IQSEC1: variants seen among roughly 807,000 people sequenced by gnomAD.
The protein encoded by IQSEC1 is IQ motif and Sec7 domain ArfGEF 1.
Under a neutral mutation model 91.0 loss-of-function variants are expected in IQSEC1, and 31 were observed. The ratio of observed to expected loss-of-function variants is 0.34; its 90% CI spans 0.26 to 0.46. The LOEUF is 0.46. Ranked by LOEUF, IQSEC1 falls within the 20% of genes least tolerant of loss-of-function variation. The pLI, the probability that IQSEC1 is intolerant of heterozygous loss-of-function variation, is 1.00. For synonymous variants in IQSEC1, 699 were observed against 662.6 expected (o/e 1.05, Z -0.84); for missense variants, 1,388 against 1,575.6 (o/e 0.88, Z 2.02).
In IQSEC1 at chr3:12,909,563, C is replaced by T. The variant is rs1695367413; in HGVS notation, c.2417-129G>A. 2.3e-6 allele frequency: 2 copies of T among 882,494 alleles called. No individual in the cohort carries two copies. Among genetic ancestry groups the T allele is most frequent in the South Asian group, 3.3e-5 (2 of 59,848 alleles). 54.7% of individuals were successfully genotyped at this position (882,494 alleles called of 1,614,324 possible). On this transcript the variant is annotated intron_variant, in intron 10 of 13. Coordinates refer to ENST00000613206, the MANE Select transcript of IQSEC1 (RefSeq NM_001134382.3). The surrounding 1 kb of genome is among the most constrained non-coding windows in gnomAD (Gnocchi z 4.9). The stretch of plus-strand genomic sequence containing the variant: ...CCTGGGATAAGTGCCGGGAGTCCAG[C>T]CTCCGCAGTGGCAGGCTGCAGGGGT...
At chr3:13,047,311 C>A (rs943806147) in intron 1 of IQSEC1, among the ~76,000 whole-genome samples, 2 of 152,200 alleles carry the variant, frequency 1.3e-5, no homozygotes, top group Admixed American at 1.3e-4. Context: ...TGTAGAAGCT[C>A]TCAGGGGACA....
Position 13,214,027 on chromosome 3 carries a change from G to A in IQSEC1, c.273-49894C>T, listed in dbSNP as rs970647505. 2.5e-4 allele frequency among the ~76,000 whole-genome samples: 38 copies of A among 152,014 alleles called. 3 individuals are homozygous for A. The highest frequency in any genetic ancestry group is 8.5e-4 in the Admixed American group (13 of 15,268). Reference sequence around the variant, plus strand: ...CCCGGGCTCTTCCTGGTCCCTCCCCGCCACCCGGCTCCTTCCTCTGATAGG... The same window carrying A: ...CCCGGGCTCTTCCTGGTCCCTCCCCACCACCCGGCTCCTTCCTCTGATAGG... On this transcript the variant is annotated intron_variant, in intron 1 of 15. Coordinates refer to the IQSEC1 transcript ENST00000648114. This position sits in a 1 kb window ranked among gnomAD's most constrained non-coding sequence, Gnocchi z 4.5.
intron 1 of IQSEC1, among the ~76,000 whole-genome samples, chr3:13,062,565 C>T (rs1222834415): frequency 6.6e-6 from 1 of 152,142 alleles, no homozygotes; most frequent in Non-Finnish European, 1.5e-5. Flanking sequence ...TTGGACCCCA[C>T]ATCTGCTGAG....
chr3:13,246,662 G>A (rs1403403933), intron 1 of IQSEC1, among the ~76,000 whole-genome samples: 4 of 152,206 alleles, frequency 2.6e-5, no homozygotes, highest in Admixed American at 2.0e-4. Flanking sequence ...CCTGTGCCCT[G>A]CTCTGTGGAT....
chr3:13,127,139 G>T (rs1176960462), intron 2 of IQSEC1, among the ~76,000 whole-genome samples: 1 of 152,074 alleles, frequency 6.6e-6, no homozygotes, highest in African/African-American at 2.4e-5. Flanking sequence ...TCGGCTGGGG[G>T]CGGTGGCTCA....
intron 1 of IQSEC1, among the ~76,000 whole-genome samples, chr3:13,071,141 C>A (rs532392430): frequency 9.0e-6 from 1 of 110,690 alleles, no homozygotes; most frequent in East Asian, 3.1e-4. Flanking sequence ...GGGACCCACA[C>A]AGTTTTTTTT....
chr3:13,113,695 G>A (rs184337476), intron 2 of IQSEC1, among the ~76,000 whole-genome samples: 51 of 152,312 alleles, frequency 3.3e-4, no homozygotes, highest in Admixed American at 9.1e-4. Context: ...CTACACTGTC[G>A]AGAACGGTCA....
intron 2 of IQSEC1, among the ~76,000 whole-genome samples, chr3:13,131,653 A>C (rs927994300): frequency 6.6e-6 from 1 of 151,944 alleles, no homozygotes; most frequent in Non-Finnish European, 1.5e-5. Flanking sequence ...CATGTGGCTA[A>C]CTTTTGTATT....
Position 13,256,276 on chromosome 3 carries a change from G to A in IQSEC1, c.272+26435C>T, listed in dbSNP as rs564483967. Among the ~76,000 whole-genome samples the A allele has an allele frequency of 9.2e-5, 14 of 152,216 alleles. No homozygotes were observed. In the East Asian group the frequency reaches 1.2e-3, roughly 13 times the overall value. On this transcript the variant is annotated intron_variant, in intron 1 of 15. Transcript: ENST00000648114. ...CATGTTCCCACATTCTTCTGTACAC[G>A]GTGATCTGCGGTACTGAATGCACAC... is the stretch of plus-strand genomic sequence containing the variant.
intron 2 of IQSEC1, among the ~76,000 whole-genome samples, chr3:13,079,565 A>G (rs1350847353): frequency 6.6e-6 from 1 of 152,180 alleles, no homozygotes; most frequent in African/African-American, 2.4e-5. Flanking sequence ...GACAGAGAAC[A>G]TCCCACCTTG....
intron 1 of IQSEC1, among the ~76,000 whole-genome samples, chr3:13,251,515 G>A (rs922439441): frequency 6.6e-6 from 1 of 152,176 alleles, no homozygotes; most frequent in African/African-American, 2.4e-5. Context: ...TTTAAGTGTT[G>A]CTGCAATTCC....
intron 2 of IQSEC1, among the ~76,000 whole-genome samples, chr3:13,101,905 C>T (rs565550554): frequency 7.9e-5 from 11 of 140,068 alleles, no homozygotes; most frequent in Non-Finnish European, 1.1e-4. Context: ...GAGGATTTCA[C>T]GAGTTAAGTG....
At chr3:13,192,285 T>C (rs1329712656) in intron 1 of IQSEC1, among the ~76,000 whole-genome samples, 2 of 144,402 alleles carry the variant, frequency 1.4e-5, no homozygotes, top group Admixed American at 7.0e-5. Context: ...TTGCAGTGAG[T>C]CGAGATCGCA....
intron 1 of IQSEC1, among the ~76,000 whole-genome samples, chr3:13,024,313 C>T (rs1164687145): frequency 2.0e-5 from 3 of 152,074 alleles, no homozygotes; most frequent in African/African-American, 7.2e-5. Context: ...ATTCATTTAT[C>T]CCCTCATCCA....
At chr3:12,968,597 A>T (rs1295145677) in intron 1 of IQSEC1, among the ~76,000 whole-genome samples, 9 of 152,120 alleles carry the variant, frequency 5.9e-5, no homozygotes, top group Admixed American at 5.9e-4. Context: ...TCCTACTATG[A>T]GCGCTCATGG....
intron 1 of IQSEC1, among the ~76,000 whole-genome samples, chr3:13,245,017 T>A (rs1337507153): frequency 6.6e-6 from 1 of 152,196 alleles, no homozygotes; most frequent in Non-Finnish European, 1.5e-5. Flanking sequence ...AGGGCCACTA[T>A]GATGCTACAA....
intron 1 of IQSEC1, among the ~76,000 whole-genome samples, chr3:13,228,035 G>T (rs1288974484): frequency 6.6e-6 from 1 of 152,162 alleles, no homozygotes; most frequent in Non-Finnish European, 1.5e-5. Context: ...GGCTGTCCCT[G>T]CTGTCTATGC....
At chr3:12,995,293 C>T (rs1702187016) in intron 1 of IQSEC1, among the ~76,000 whole-genome samples, 2 of 152,232 alleles carry the variant, frequency 1.3e-5, no homozygotes, top group South Asian at 2.1e-4. Context: ...AGACGTTTCC[C>T]CCTCTGGACT....
intron 2 of IQSEC1, among the ~76,000 whole-genome samples, chr3:13,157,769 CCA>C (rs560951139): frequency 2.2e-3 from 336 of 152,256 alleles, no homozygotes; most frequent in African/African-American, 7.5e-3. Context: ...AGCCGCGTCT[CCA>C]CAGACTGTGG....
Sources: gnomAD v4.1 joint callset for allele counts (sites outside exome capture counted in the v4.1 genomes callset) on GRCh38, gnomAD v4.1.1 for gene constraint, Gnocchi (gnomAD v3.1) non-coding constraint, MANE v1.5 for transcripts, NCBI Gene and HGNC (gene_info 2026-07-23, HGNC 2026-07-21) for gene names.